Variants in AIG1 observed in about 807,000 individuals in gnomAD.
AIG1 encodes androgen induced 1.
Under a neutral mutation model 31.4 loss-of-function variants are expected in AIG1, and 23 were observed. That is an observed-to-expected ratio of 0.73 (90% CI 0.53 to 1.04). The LOEUF is 1.04. AIG1 is among the 50% of genes least tolerant of loss of function. The pLI, the probability that AIG1 is intolerant of heterozygous loss-of-function variation, is 0.00. For missense variants in AIG1, 274 were observed against 295.0 expected (o/e 0.93, Z 0.52); for synonymous variants, 100 against 110.5 (o/e 0.90, Z 0.60).
chr6:143,281,756 A>G (rs960867876), intron 3 of AIG1, among the ~76,000 whole-genome samples: 1 of 152,240 alleles, frequency 6.6e-6, no homozygotes, highest in South Asian at 2.1e-4. Flanking sequence ...AGAGGGAGAT[A>G]CACAGTCTTT....
At chr6:143,084,370 C>T (rs538672576) in intron 1 of AIG1, among the ~76,000 whole-genome samples, 5 of 152,318 alleles carry the variant, frequency 3.3e-5, no homozygotes, top group African/African-American at 9.6e-5. Context: ...TCCTTGTAGA[C>T]TGCACTGGAA....
chr6:143,061,642 C>A, intron 1 of AIG1: 1 of 271,990 alleles, frequency 3.7e-6, no homozygotes, highest in Non-Finnish European at 7.4e-6. Context: ...AACCTTTACC[C>A]CGTACATATT....
chr6:143,140,832 C>A (rs1784184669), intron 2 of AIG1, among the ~76,000 whole-genome samples: 1 of 152,188 alleles, frequency 6.6e-6, no homozygotes, highest in African/African-American at 2.4e-5. Context: ...TCCTAAGGGG[C>A]AGAATTCTTA....
chr6:143,259,540 T>C (rs911533983), intron 3 of AIG1, among the ~76,000 whole-genome samples: 2 of 152,240 alleles, frequency 1.3e-5, no homozygotes, highest in African/African-American at 4.8e-5. Flanking sequence ...TATATATGTA[T>C]GCCTTTCTTT....
intron 1 of AIG1, among the ~76,000 whole-genome samples, chr6:143,074,308 A>G (rs1777548632): frequency 6.6e-6 from 1 of 152,242 alleles, no homozygotes; most frequent in Admixed American, 6.5e-5. Context: ...ATAAATAAGT[A>G]AATCATTGCC....
intron 1 of AIG1, among the ~76,000 whole-genome samples, chr6:143,081,139 A>T (rs777918337): frequency 4.6e-5 from 7 of 152,154 alleles, no homozygotes; most frequent in Non-Finnish European, 7.4e-5. Context: ...ATTCTTAGTA[A>T]GGCTATAGGC....
chr6:143,107,658 A>G (rs1263607179), intron 1 of AIG1, among the ~76,000 whole-genome samples: 1 of 152,160 alleles, frequency 6.6e-6, no homozygotes, highest in African/African-American at 2.4e-5. Context: ...AAAGAGGCTG[A>G]CTGGAATGAG....
Position 143,327,342 on chromosome 6 carries a change from G to A in AIG1, c.516-5940G>A, listed in dbSNP as rs565647085. 85 of 243,480 alleles carry A rather than the reference G, an allele frequency of 3.5e-4. 1 individual carries two copies. In the South Asian group the frequency reaches 4.7e-3, roughly 14 times the overall value. The allele number at this position is 243,480 out of a possible 1,614,324, so 15.1% of individuals were successfully genotyped here. On this transcript the variant is annotated intron_variant, in intron 4 of 5. Transcript: ENST00000357847. This position sits in a 1 kb window ranked among gnomAD's most constrained non-coding sequence, Gnocchi z 5.3. The stretch of plus-strand genomic sequence containing the variant: ...CTGCCATCAACAAGGTGGTGACCTC[G>A]TTGATGATACACCATCAACATTCAC...
At chr6:143,192,091 T>C (rs999131688) in intron 3 of AIG1, among the ~76,000 whole-genome samples, 5 of 152,216 alleles carry the variant, frequency 3.3e-5, no homozygotes, top group Non-Finnish European at 7.3e-5. Context: ...TTAATTGCTT[T>C]AAACTTTTAA....
At chr6:143,216,819 G>A (rs1362454682) in intron 3 of AIG1, among the ~76,000 whole-genome samples, 2 of 152,198 alleles carry the variant, frequency 1.3e-5, no homozygotes, top group African/African-American at 4.8e-5. Flanking sequence ...AGGACAGTGA[G>A]GGGAGAGGAG....
intron 5 of AIG1, among the ~76,000 whole-genome samples, chr6:143,337,340 T>C (rs1387107835): frequency 6.6e-6 from 1 of 152,164 alleles, no homozygotes; most frequent in Non-Finnish European, 1.5e-5. Context: ...CACCTCTCTA[T>C]TTCTGGCATC....
At chr6:143,134,326 G>T (rs1783531642) in intron 1 of AIG1, among the ~76,000 whole-genome samples, 1 of 148,456 alleles carries the variant, frequency 6.7e-6, no homozygotes, top group South Asian at 2.1e-4. Context: ...TCATATCCCT[G>T]CATCCTTAAA....
chr6:143,306,682 G>A (rs1227672650), intron 4 of AIG1, among the ~76,000 whole-genome samples: 1 of 151,716 alleles, frequency 6.6e-6, no homozygotes, highest in African/African-American at 2.4e-5. Context: ...ATGTGTCTTG[G>A]AGTTGCTCTT....
chr6:143,093,825 C>A (rs561669791), intron 1 of AIG1, among the ~76,000 whole-genome samples: 2 of 152,048 alleles, frequency 1.3e-5, no homozygotes, highest in African/African-American at 4.8e-5. Context: ...GGGGAATAGC[C>A]GGTTGGTGGA....
intron 3 of AIG1, among the ~76,000 whole-genome samples, chr6:143,211,664 G>T (rs1458447314): frequency 6.6e-6 from 1 of 152,126 alleles, no homozygotes; most frequent in Non-Finnish European, 1.5e-5. Context: ...AGGCTGAGAC[G>T]GATGGATCAC....
At position 143,323,496 on chromosome 6, in the gene AIG1, A is replaced by C. The variant is rs74530033; in HGVS notation, c.516-9786A>C. Among the ~76,000 whole-genome samples the C allele has an allele frequency of 5.0e-3, 758 of 152,350 alleles. 4 individuals are homozygous for C. Among genetic ancestry groups the C allele is most frequent in the African/African-American group, 0.018 (729 of 41,586 alleles). On this transcript the variant is annotated intron_variant, in intron 4 of 5. Coordinates refer to ENST00000357847, the MANE Select transcript of AIG1 (RefSeq NM_016108.4). ...ACTGTAAACCCACTGTATATCAAAA[A>C]TGGACTTCTACAATGATATTTGTAC...
At chr6:143,066,480 C>T (rs1776722775) in intron 1 of AIG1, among the ~76,000 whole-genome samples, 1 of 152,002 alleles carries the variant, frequency 6.6e-6, no homozygotes, top group African/African-American at 2.4e-5. Flanking sequence ...ACTATGTTGG[C>T]CACACTGGTC....
intron 1 of AIG1, among the ~76,000 whole-genome samples, chr6:143,129,298 A>AG (rs1347003967): frequency 6.6e-6 from 1 of 152,242 alleles, no homozygotes; most frequent in African/African-American, 2.4e-5. Flanking sequence ...CTCAAAAAAA[A>AG]TAAAAAAAGA....
chr6:143,226,839 C>T (rs1357643329), intron 3 of AIG1, among the ~76,000 whole-genome samples: 1 of 152,064 alleles, frequency 6.6e-6, no homozygotes, highest in Non-Finnish European at 1.5e-5. Flanking sequence ...CAAGGCAGGC[C>T]ACCAAGGATC....
Sources: allele counts gnomAD v4.1 joint callset (sites outside exome capture counted in the v4.1 genomes callset), GRCh38; gene constraint gnomAD v4.1.1; non-coding constraint Gnocchi (gnomAD v3.1); transcripts MANE v1.5; gene names NCBI Gene and HGNC (gene_info 2026-07-23, HGNC 2026-07-21).